Variants in MTDH observed in about 807,000 individuals in gnomAD.
The protein encoded by MTDH is protein LYRIC.
A neutral mutation model predicts 72.7 loss-of-function variants in MTDH; 34 were observed. The ratio of observed to expected loss-of-function variants is 0.47; its 90% confidence interval spans 0.36 to 0.62. MTDH has a LOEUF of 0.62. Ranked by LOEUF, MTDH falls within the 20% of genes least tolerant of loss-of-function variation. The pLI is 0.00. For missense variants in MTDH, 677 were observed against 699.4 expected (o/e 0.97, Z 0.36); for synonymous variants, 266 against 268.9 (o/e 0.99, Z 0.10).
In MTDH at chr8:97,729,694, G is replaced by C. The variant is rs188465331; in HGVS notation, c.*5024G>C. ...TGTTTTTTTCTAGAGACAGAGTCTC[G>C]TTGCCCAGGCTGGTCTCCAATTCCT... On this transcript the variant is annotated 3_prime_UTR_variant, in exon 12 of 12. Transcript: ENST00000336273. 6.6e-6 allele frequency among the ~76,000 whole-genome samples: 1 copy of C among 152,054 alleles called. No homozygotes were observed. The highest frequency in any genetic ancestry group is 1.5e-5 in the Non-Finnish European group (1 of 68,028).
Position 97,723,807 on chromosome 8 carries a change from T to A in MTDH, c.1678+772T>A, listed in dbSNP as rs533865628. On this transcript the variant is annotated intron_variant, in intron 11 of 11. Coordinates refer to ENST00000336273, the MANE Select transcript of MTDH (RefSeq NM_178812.4). ...TCTACTTAAGTTGTGAAGGCCAAGTTGTTAAAATAACTAAAGGAGGCTGGG... is the reference window on the plus strand; with the variant it reads ...TCTACTTAAGTTGTGAAGGCCAAGTAGTTAAAATAACTAAAGGAGGCTGGG... Among the ~76,000 whole-genome samples the A allele has an allele frequency of 2.6e-5, 4 of 151,518 alleles. No homozygotes were observed. In the South Asian group the frequency reaches 8.4e-4, roughly 32 times the overall value.
chr8:97,687,718 C>T, intron 4 of MTDH, 113 bp downstream of exon 4: 2 of 861,516 alleles, frequency 2.3e-6, no homozygotes, highest in Non-Finnish European at 3.4e-6. Flanking sequence ...CATCATTGTG[C>T]TGATATACCC....
intron 2 of MTDH, among the ~76,000 whole-genome samples, chr8:97,668,006 C>G (rs2513368): frequency 1 from 152,193 of 152,252 alleles, 76,068 homozygotes; most frequent in Non-Finnish European, 1. Flanking sequence ...GAAGATCTAC[C>G]GCCAGGCGCG....
chr8:97,680,632 A>G (rs952201431), intron 2 of MTDH, among the ~76,000 whole-genome samples: 18 of 152,228 alleles, frequency 1.2e-4, no homozygotes, highest in African/African-American at 4.1e-4. Flanking sequence ...TGAGATGGAA[A>G]GAAGACATAA....
At position 97,651,568 on chromosome 8, in the gene MTDH, T is replaced by C. The variant is rs185765420; in HGVS notation, c.381+6681T>C. Among the ~76,000 whole-genome samples the C allele has an allele frequency of 4.6e-3, 701 of 152,366 alleles. 5 individuals carry two copies. Among genetic ancestry groups the C allele is most frequent in the Non-Finnish European group, 7.7e-3 (523 of 68,034 alleles). ...TGCCTGCAGAGTGACTTTGCAGCTCTGTGCATGTGCGTGTCCAGAAATGAC... is the reference window on the plus strand; with the variant it reads ...TGCCTGCAGAGTGACTTTGCAGCTCCGTGCATGTGCGTGTCCAGAAATGAC... On this transcript the variant is annotated intron_variant, in intron 1 of 11. Transcript: ENST00000336273.
At position 97,729,911 on chromosome 8, in the gene MTDH, C is replaced by T. The variant is rs1815494611; in HGVS notation, c.*5241C>T. Among the ~76,000 whole-genome samples, 2 of 152,178 alleles carry T rather than the reference C, an allele frequency of 1.3e-5. No homozygotes were observed. The highest frequency in any genetic ancestry group is 1.3e-4 in the Admixed American group (2 of 15,264). On this transcript the variant is annotated 3_prime_UTR_variant, in exon 12 of 12. Transcript: ENST00000336273. ...CATACTGCAAGTACAGACTATATAA[C>T]AAGTTGAAAGAGAATCACCCTGGTA... is the stretch of plus-strand genomic sequence containing the variant.
intron 6 of MTDH, among the ~76,000 whole-genome samples, chr8:97,698,537 C>A (rs1181134229): frequency 2.0e-5 from 3 of 152,152 alleles, no homozygotes; most frequent in Admixed American, 1.3e-4. Flanking sequence ...TGAGAAAAAA[C>A]AAAAACAGAC....
intron 6 of MTDH, among the ~76,000 whole-genome samples, chr8:97,697,148 A>ATTT (rs1324445962): frequency 7.3e-5 from 5 of 68,472 alleles, no homozygotes; most frequent in African/African-American, 4.9e-4. Context: ...ATATATATAT[A>ATTT]TATTTTTTTT....
intron 7 of MTDH, among the ~76,000 whole-genome samples, chr8:97,702,186 C>G (rs1426893061): frequency 6.6e-6 from 1 of 152,166 alleles, no homozygotes; most frequent in Non-Finnish European, 1.5e-5. Context: ...TAATCTATTA[C>G]TATCTTGACC....
At chr8:97,679,041 A>C (rs1203145379) in intron 2 of MTDH, among the ~76,000 whole-genome samples, 1 of 152,154 alleles carries the variant, frequency 6.6e-6, no homozygotes, top group African/African-American at 2.4e-5. Context: ...CTAACAGAAA[A>C]ATAGCCTAAC....
intron 2 of MTDH, among the ~76,000 whole-genome samples, chr8:97,677,490 C>CAAAA (rs934211630): frequency 1.3e-5 from 1 of 77,154 alleles, no homozygotes; most frequent in African/African-American, 4.4e-5. Context: ...GACTCCATCT[C>CAAAA]AAAAAAAAAA....
At chr8:97,654,075 A>G (rs1168695258) in intron 1 of MTDH, among the ~76,000 whole-genome samples, 2 of 152,224 alleles carry the variant, frequency 1.3e-5, no homozygotes, top group African/African-American at 4.8e-5. Flanking sequence ...GCTGTAGTCA[A>G]CAAGGAGACA....
chr8:97,692,668 A>G (rs1393002656), intron 6 of MTDH, among the ~76,000 whole-genome samples: 2 of 152,112 alleles, frequency 1.3e-5, no homozygotes, highest in Admixed American at 1.3e-4. Flanking sequence ...CACGGCGCCC[A>G]GCCAATTTTC....
At chr8:97,686,557 CATT>C (rs757817119) in intron 2 of MTDH, 108 bp from the exon 3 acceptor site, 23 of 534,450 alleles carry the variant, frequency 4.3e-5, no homozygotes, top group Admixed American at 9.1e-5. Context: ...TTAAATCAAA[CATT>C]AATTTTTTTT....
chr8:97,673,634 T>C (rs1477664650), intron 2 of MTDH, among the ~76,000 whole-genome samples: 1 of 132,550 alleles, frequency 7.5e-6, no homozygotes, highest in East Asian at 2.3e-4. Flanking sequence ...CACTCCAGCC[T>C]GGGCAACAAG....
At chr8:97,645,798 T>A (rs1408778527) in intron 1 of MTDH, among the ~76,000 whole-genome samples, 2 of 152,194 alleles carry the variant, frequency 1.3e-5, no homozygotes, top group Non-Finnish European at 2.9e-5. Flanking sequence ...TATGTATTTT[T>A]AAAAATATTT....
chr8:97,653,929 T>C (rs1173349169), intron 1 of MTDH, among the ~76,000 whole-genome samples: 2 of 152,234 alleles, frequency 1.3e-5, no homozygotes, highest in African/African-American at 4.8e-5. Flanking sequence ...TTGTAGTCCT[T>C]ATCATACCCA....
At chr8:97,697,150 A>ATATATATATATTTTTTTTTTT in intron 6 of MTDH, among the ~76,000 whole-genome samples, 2 of 68,792 alleles carry the variant, frequency 2.9e-5, no homozygotes, top group Admixed American at 3.1e-4. Context: ...ATATATATAT[A>ATATATATATATTTTTTTTTTT]TTTTTTTTTT....
chr8:97,719,752 C>T (rs1474535605), intron 10 of MTDH, among the ~76,000 whole-genome samples: 2 of 152,146 alleles, frequency 1.3e-5, no homozygotes, highest in Non-Finnish European at 2.9e-5. Context: ...TCTAGGCATA[C>T]AAGGGATAGA....
Sources: allele counts gnomAD v4.1 joint callset (sites outside exome capture counted in the v4.1 genomes callset), GRCh38; gene constraint gnomAD v4.1.1; transcripts MANE v1.5; gene names NCBI Gene and HGNC (gene_info 2026-07-23, HGNC 2026-07-21).